The following LAMP3 variants were observed in gnomAD, a reference collection of about 807,000 sequenced individuals.
The protein encoded by LAMP3 is lysosome-associated membrane glycoprotein 3.
A neutral mutation model predicts 34.8 loss-of-function variants in LAMP3; 26 were observed. The observed-to-expected ratio is 0.75, with a 90% CI of 0.55 to 1.04. The LOEUF (loss-of-function observed/expected upper bound fraction) is 1.04, where lower values mean the gene tolerates loss of function less well. Among genes scored for constraint, LAMP3 ranks in the 50% least tolerant of loss-of-function variants. The pLI is 0.00. For missense variants in LAMP3, 495 were observed against 524.0 expected (o/e 0.94, Z 0.54); for synonymous variants, 180 against 201.9 (o/e 0.89, Z 0.92).
chr3:183,151,088 T>A (rs1720615840), intron 3 of LAMP3, among the ~76,000 whole-genome samples: 1 of 152,240 alleles, frequency 6.6e-6, no homozygotes, highest in South Asian at 2.1e-4. Flanking sequence ...AACATTGTTA[T>A]CTACTGTGCT....
intron 5 of LAMP3, among the ~76,000 whole-genome samples, chr3:183,126,540 G>A (rs1719783978): frequency 6.8e-6 from 1 of 147,418 alleles, no homozygotes; most frequent in South Asian, 2.1e-4. Context: ...GTGAATGTGT[G>A]TGTGTGTGTG....
At chr3:183,134,571 A>G (rs767991615) in intron 5 of LAMP3, among the ~76,000 whole-genome samples, 37 of 152,186 alleles carry the variant, frequency 2.4e-4, no homozygotes, top group Non-Finnish European at 4.9e-4. Flanking sequence ...CAACACTAGC[A>G]TTTTTGAGAG....
chr3:183,132,825 G>C (rs532497587), intron 5 of LAMP3: 1 of 985,278 alleles, frequency 1.0e-6, no homozygotes, highest in Non-Finnish European at 1.2e-6. Context: ...CTTTACATGC[G>C]TTCATATCCT....
intron 3 of LAMP3, among the ~76,000 whole-genome samples, chr3:183,141,628 C>A (rs1720286409): frequency 1.3e-5 from 2 of 152,166 alleles, no homozygotes; most frequent in Admixed American, 1.3e-4. Flanking sequence ...CATTATAGCT[C>A]ATTTGTGTAT....
At chr3:183,162,480 A>G (rs1189103556) in intron 1 of LAMP3, 127 bp downstream of exon 1, 14 of 891,244 alleles carry the variant, frequency 1.6e-5, no homozygotes, top group Non-Finnish European at 2.3e-5. Flanking sequence ...CCAGCTGGGA[A>G]GCCCTTGGAC....
chr3:183,157,462 G>A (rs946695554), intron 1 of LAMP3, among the ~76,000 whole-genome samples: 18 of 152,184 alleles, frequency 1.2e-4, no homozygotes, highest in African/African-American at 2.9e-4. Context: ...TAAAACCCGC[G>A]TTGCTGGTTC....
rs1260680104 is a variant in LAMP3, at chr3:183,123,321, G to C, written c.*760C>G. The C allele has an allele frequency of 6.6e-6, 1 of 152,158 alleles. No individual in the cohort carries two copies. The highest frequency in any genetic ancestry group is 1.5e-5 in the Non-Finnish European group (1 of 68,054). 9.4% of individuals were successfully genotyped at this position (152,158 alleles called of 1,614,324 possible). A position where few individuals can be genotyped will look rare whatever the true frequency, so the allele number is the denominator to read the frequency against. On this transcript the variant is annotated 3_prime_UTR_variant, in exon 6 of 6. Transcript: ENST00000265598. Reference sequence around the variant, plus strand: ...TGCCTGTAATCCCAGCACTTTGGGAGGCTGAGGTGGGTGGATCACCTGAGG... The same window carrying C: ...TGCCTGTAATCCCAGCACTTTGGGACGCTGAGGTGGGTGGATCACCTGAGG...
intron 2 of LAMP3, 107 bp downstream of exon 2, chr3:183,153,575 T>C (rs1201346593): frequency 2.0e-5 from 14 of 700,108 alleles, no homozygotes; most frequent in Non-Finnish European, 2.8e-5. Context: ...CTCACAGCTA[T>C]TGGTTTCATT....
At chr3:183,155,868 G>A (rs1341250016) in intron 1 of LAMP3, among the ~76,000 whole-genome samples, 1 of 152,172 alleles carries the variant, frequency 6.6e-6, no homozygotes, top group Non-Finnish European at 1.5e-5. Context: ...AGGCCTTTTA[G>A]GATTATTGTA....
chr3:183,149,296 C>T lies in LAMP3; in HGVS notation c.888+3079G>A, dbSNP rs183002271. On this transcript the variant is annotated intron_variant, in intron 3 of 5. Transcript: ENST00000265598. ...GTGGCTCACGCCTGTAATCCCAGCA[C>T]TTTGGGAGGCTCAGGGGGGCGGATC... 4.0e-4 allele frequency among the ~76,000 whole-genome samples: 60 copies of T among 151,826 alleles called. 1 individual carries two copies. The highest frequency in any genetic ancestry group is 3.9e-3 in the Admixed American group (60 of 15,234).
At chr3:183,150,427 G>A (rs1358028404) in intron 3 of LAMP3, among the ~76,000 whole-genome samples, 1 of 152,176 alleles carries the variant, frequency 6.6e-6, no homozygotes, top group East Asian at 1.9e-4. Flanking sequence ...TGCCACAAAT[G>A]CTGGAGTTTA....
rs1719727878 is a variant in LAMP3, at chr3:183,124,124, T to C, written c.1208A>G (p.Lys403Arg). Residue 403 changes from lysine (K) to arginine (R), a missense_variant, in exon 6 of 6, where the codon AAA becomes AGA. Transcript: ENST00000265598. The part of the protein sequence containing the change: ...GLCLMGMGVY[K>R]IRLRCQSSGY... ...AGATGATTGACACCTTAGGCGGATT[T>C]TATAGACACCCATACCCATAAGGCA... is the stretch of plus-strand genomic sequence containing the variant. The C allele has an allele frequency of 6.2e-7, 1 of 1,614,060 alleles. No homozygotes were observed.
intron 3 of LAMP3, among the ~76,000 whole-genome samples, chr3:183,150,854 T>C (rs181336854): frequency 6.6e-6 from 1 of 152,272 alleles, no homozygotes; most frequent in African/African-American, 2.4e-5. Flanking sequence ...ATTCTTGTCA[T>C]CTCTATAGTT....
chr3:183,143,705 GA>G (rs148982293), intron 3 of LAMP3, among the ~76,000 whole-genome samples: 11 of 149,834 alleles, frequency 7.3e-5, no homozygotes, highest in Admixed American at 2.0e-4. Flanking sequence ...CTCTTTCCAA[GA>G]AAAAAAAAGA....
chr3:183,153,031 C>T (rs1208267352), intron 2 of LAMP3, among the ~76,000 whole-genome samples: 2 of 151,866 alleles, frequency 1.3e-5, no homozygotes, highest in African/African-American at 2.4e-5. Flanking sequence ...AAAAATTAGC[C>T]GGGTGTGATG....
In LAMP3 at chr3:183,124,187, A is replaced by G. The variant is rs767405013; in HGVS notation, c.1145T>C (p.Ile382Thr). 2.1e-5 allele frequency: 34 copies of G among 1,605,688 alleles called. No homozygotes were observed. Among genetic ancestry groups the G allele is most frequent in the Non-Finnish European group, 2.9e-5 (34 of 1,177,290 alleles). ...NVDECSSDYT[I>T]VLPVIGAIVV... Reference sequence around the variant, plus strand: ...GATGGCCCCAATCACAGGAAGCACAATTGTGTAGTCAGACGAGCACTCATC... The same window carrying G: ...GATGGCCCCAATCACAGGAAGCACAGTTGTGTAGTCAGACGAGCACTCATC... The change falls in exon 6 of 6, where the codon ATT becomes ACT. Residue 382 changes from isoleucine to threonine, a missense_variant. Ile to Thr is a moderately conservative substitution (Grantham distance 89). Coordinates refer to ENST00000265598, the MANE Select transcript of LAMP3 (RefSeq NM_014398.4).
At chr3:183,140,402 C>T (rs992751797) in intron 4 of LAMP3, 136 bp downstream of exon 4, 4 of 525,432 alleles carry the variant, frequency 7.6e-6, no homozygotes, top group South Asian at 6.3e-5. Flanking sequence ...CAGAGCAAGA[C>T]TCCATCTCAA....
rs780054180 is a variant in LAMP3 at position 183,154,218 on chromosome 3, A to G, written c.223T>C (p.Phe75Leu). 15 of 1,613,990 alleles carry G rather than the reference A, an allele frequency of 9.3e-6. No individual in the cohort carries two copies. In the Admixed American group the frequency reaches 2.5e-4, roughly 27 times the overall value. ...AARFMDGHIT[F>L]QTAATVKIPT... ...ATTTTTACTGTGGCCGCTGTTTGAA[A>G]GGTGATATGACCATCCATGAATCTT... Residue 75 changes from phenylalanine to leucine, a missense_variant, in exon 2 of 6, where the codon TTT becomes CTT. By Grantham distance (22) the Phe-to-Leu change is conservative. Coordinates refer to ENST00000265598, the MANE Select transcript of LAMP3 (RefSeq NM_014398.4).
At chr3:183,130,909 TC>T (rs1166722931) in intron 5 of LAMP3, among the ~76,000 whole-genome samples, 1 of 152,082 alleles carries the variant, frequency 6.6e-6, no homozygotes, top group Non-Finnish European at 1.5e-5. Context: ...ATCACAGGCT[TC>T]TTAGGGTGAA....
Sources: gnomAD v4.1 joint callset for allele counts (sites outside exome capture counted in the v4.1 genomes callset) on GRCh38, gnomAD v4.1.1 for gene constraint, MANE v1.5 for transcripts, NCBI Gene and HGNC (gene_info 2026-07-23, HGNC 2026-07-21) for gene names.